Variants in ASH1L observed in about 807,000 individuals in gnomAD.
The protein encoded by ASH1L is ASH1 like histone lysine methyltransferase.
A neutral mutation model predicts 269.0 loss-of-function variants in ASH1L; 23 were observed. The ratio of observed to expected loss-of-function variants is 0.09; its 90% CI spans 0.06 to 0.12. The LOEUF is 0.12. Among genes scored for constraint, ASH1L ranks in the 10% least tolerant of loss-of-function variants. The pLI is 1.00. For missense variants in ASH1L, 2,912 were observed against 3,567.8 expected (o/e 0.82, Z 4.68); for synonymous variants, 1,187 against 1,253.5 (o/e 0.95, Z 1.12).
At chr1:155,443,866 CCA>C (rs1287518374) in intron 4 of ASH1L, among the ~76,000 whole-genome samples, 2 of 151,806 alleles carry the variant, frequency 1.3e-5, no homozygotes, top group East Asian at 3.9e-4. Context: ...TGCGTTGTTT[CCA>C]GTTTTTAGTC....
chr1:155,472,077 G>A (rs139378663), intron 3 of ASH1L, among the ~76,000 whole-genome samples: 48 of 152,176 alleles, frequency 3.2e-4, no homozygotes, highest in African/African-American at 9.9e-4. Context: ...GTTCTCTTGC[G>A]GTCAGGAGTT....
chr1:155,389,051 G>A (rs1657684415), intron 7 of ASH1L, among the ~76,000 whole-genome samples: 1 of 150,304 alleles, frequency 6.7e-6, no homozygotes, highest in Admixed American at 6.7e-5. Context: ...TGTCACGCAG[G>A]CTGGAGTGCA....
intron 5 of ASH1L, among the ~76,000 whole-genome samples, chr1:155,429,156 A>G (rs1382178302): frequency 6.6e-6 from 1 of 152,232 alleles, no homozygotes; most frequent in Non-Finnish European, 1.5e-5. Flanking sequence ...CACACAAACA[A>G]TGAAACAACA....
At position 155,474,063 on chromosome 1, in the gene ASH1L, A is replaced by C. The variant is rs181121109; in HGVS notation, c.4984+3823T>G. Among the ~76,000 whole-genome samples the C allele has an allele frequency of 1.3e-3, 203 of 152,102 alleles. 1 individual carries two copies. Among genetic ancestry groups the C allele is most frequent in the African/African-American group, 4.4e-3 (184 of 41,508 alleles). ...TGGCCAGGCTGGTTTCGAACTCCTG[A>C]CCTCAGGTGATCTGCCTGCCTTGGT... On this transcript the variant is annotated intron_variant, in intron 3 of 27. Transcript: ENST00000392403.
chr1:155,472,715 C>T (rs997279385), intron 3 of ASH1L, among the ~76,000 whole-genome samples: 1 of 152,176 alleles, frequency 6.6e-6, no homozygotes, highest in South Asian at 2.1e-4. Context: ...CTATTATCCA[C>T]GAAATGTGGA....
At chr1:155,519,673 G>A (rs1477586166) in intron 2 of ASH1L, among the ~76,000 whole-genome samples, 1 of 151,954 alleles carries the variant, frequency 6.6e-6, no homozygotes, top group Non-Finnish European at 1.5e-5. Flanking sequence ...TTTTTTGGGG[G>A]GTGAGATGGA....
chr1:155,498,330 A>G (rs774357972), intron 2 of ASH1L, among the ~76,000 whole-genome samples: 10 of 151,926 alleles, frequency 6.6e-5, no homozygotes, highest in Non-Finnish European at 1.3e-4. Flanking sequence ...CTGCAAAACA[A>G]TGTAAATGTA....
chr1:155,534,968 TCA>T (rs976203806), intron 1 of ASH1L, among the ~76,000 whole-genome samples: 13 of 152,110 alleles, frequency 8.5e-5, no homozygotes, highest in African/African-American at 2.7e-4. Flanking sequence ...GGCGGGTGGA[TCA>T]CCTGAGGTCA....
rs192275738 is a variant in ASH1L at position 155,420,032 on chromosome 1, T to A, written c.5829-4109A>T. Among the ~76,000 whole-genome samples, 503 of 152,270 alleles carry A rather than the reference T, an allele frequency of 3.3e-3. 3 individuals are homozygous for A. The highest frequency in any genetic ancestry group is 0.012 in the African/African-American group (486 of 41,546). On this transcript the variant is annotated intron_variant, in intron 5 of 27. Transcript: ENST00000392403. ...AAACAATGCTACTTAAACAGTAGAA[T>A]AGTAGCCAGGCAGGGTGACTCACTC... is the stretch of plus-strand genomic sequence containing the variant.
chr1:155,364,388 G>A lies in ASH1L; in HGVS notation c.6687-3979C>T, dbSNP rs146108641. The stretch of plus-strand genomic sequence containing the variant: ...TGGTTTACCGGTTATGTTTAGCTTT[G>A]GTAGGTTGTGCCATTTTTTGAAAGT... On this transcript the variant is annotated intron_variant, in intron 12 of 27. Coordinates refer to ENST00000392403, the MANE Select transcript of ASH1L (RefSeq NM_018489.3). Among the ~76,000 whole-genome samples the A allele has an allele frequency of 3.3e-3, 502 of 152,236 alleles. 4 individuals are homozygous for A. The highest frequency in any genetic ancestry group is 0.012 in the African/African-American group (485 of 41,546).
chr1:155,445,956 C>G lies in ASH1L; in HGVS notation c.5087-6888G>C, dbSNP rs150595584. On this transcript the variant is annotated intron_variant, in intron 4 of 27. Transcript: ENST00000392403. ...CTGTTACCCACACTGGTCTGAATCT[C>G]CTGGCCCCAAATGATCTTCCTGCCT... Among the ~76,000 whole-genome samples the G allele has an allele frequency of 6.6e-5, 10 of 151,758 alleles. No homozygotes were observed. In the East Asian group the frequency reaches 1.7e-3, roughly 26 times the overall value.
At chr1:155,409,107 C>T (rs1437175537) in intron 6 of ASH1L, among the ~76,000 whole-genome samples, 1 of 152,084 alleles carries the variant, frequency 6.6e-6, no homozygotes, top group African/African-American at 2.4e-5. Flanking sequence ...TCACTACAAC[C>T]TCTGCTTCCT....
rs1662308087 is a variant in ASH1L at position 155,438,782 on chromosome 1, G to A, written c.5373C>T (p.Ser1791=). 6.2e-7 allele frequency: 1 copy of A among 1,614,022 alleles called. No homozygotes were observed. Among genetic ancestry groups the A allele is most frequent in the African/African-American group, 1.3e-5 (1 of 74,902 alleles). Residue 1791 remains serine, a synonymous_variant, in exon 5 of 28, where the codon TCC becomes TCT. Transcript: ENST00000392403. ...CTACACTTCTCTTGATATGATGGGG[G>A]GAACAGCTGCTTGTCAACTTTTCAG... The part of the protein sequence containing the change: ...LLSEKLTSSC[S]PHHIKRSVVE...
intron 6 of ASH1L, among the ~76,000 whole-genome samples, chr1:155,406,746 T>G (rs1251122015): frequency 6.6e-6 from 1 of 152,098 alleles, no homozygotes; most frequent in Non-Finnish European, 1.5e-5. Flanking sequence ...ACACAGTGTT[T>G]GAACAGTAAC....
At chr1:155,366,669 G>T (rs866431133) in intron 12 of ASH1L, among the ~76,000 whole-genome samples, 3 of 152,012 alleles carry the variant, frequency 2.0e-5, no homozygotes, top group Non-Finnish European at 4.4e-5. Context: ...AATTGTATTG[G>T]TTTTTATTTA....
rs1204718205 is a variant in ASH1L at position 155,521,344 on chromosome 1, T to C, written c.176A>G (p.Glu59Gly). 1 of 1,614,200 alleles carries C rather than the reference T, an allele frequency of 6.2e-7. No individual in the cohort carries two copies. Among genetic ancestry groups the C allele is most frequent in the Non-Finnish European group, 8.5e-7 (1 of 1,180,044 alleles). The change falls in exon 2 of 28, where the codon GAA (glutamate) becomes GGA (glycine). Residue 59 changes from glutamate to glycine, a missense_variant. Transcript: ENST00000392403. ...AGTCAAACCATCATCTTTCCCAGCT[T>C]CGATGTTTCTTTCTCGATTCCGTTT... is the stretch of plus-strand genomic sequence containing the variant. ...LRKRNRERNI[E>G]AGKDDGLTDA...
At chr1:155,468,961 C>T (rs1253527468) in intron 3 of ASH1L, among the ~76,000 whole-genome samples, 2 of 151,998 alleles carry the variant, frequency 1.3e-5, no homozygotes, top group Non-Finnish European at 2.9e-5. Flanking sequence ...GTCAGAAGTG[C>T]TACAAAAGAA....
rs1652351127 is a variant in ASH1L at position 155,336,730 on chromosome 1, AAC to A, written c.*928_*929del. On this transcript the variant is annotated 3_prime_UTR_variant, in exon 28 of 28. Coordinates refer to ENST00000392403, the MANE Select transcript of ASH1L (RefSeq NM_018489.3). ...TTTTCAATTGATAATCTATACTCACAACAAATACTCTGATAGGTGAATACTGC... is the reference window on the plus strand; with the variant it reads ...TTTTCAATTGATAATCTATACTCACAAAATACTCTGATAGGTGAATACTGC... The A allele has an allele frequency of 6.6e-6, 1 of 152,396 alleles. No homozygotes were observed. The highest frequency in any genetic ancestry group is 2.4e-5 in the African/African-American group (1 of 41,438). The allele number at this position is 152,396 out of a possible 1,614,324, so 9.4% of individuals were successfully genotyped here. A position where few individuals can be genotyped will look rare whatever the true frequency, so the allele number is the denominator to read the frequency against.
intron 1 of ASH1L, among the ~76,000 whole-genome samples, chr1:155,531,975 A>C (rs932690591): frequency 6.6e-6 from 1 of 152,212 alleles, no homozygotes; most frequent in African/African-American, 2.4e-5. Flanking sequence ...TTTTGGAAAA[A>C]TATCTAAACA....
Sources: gnomAD v4.1 joint callset for allele counts (sites outside exome capture counted in the v4.1 genomes callset) on GRCh38, gnomAD v4.1.1 for gene constraint, MANE v1.5 for transcripts, NCBI Gene and HGNC (gene_info 2026-07-23, HGNC 2026-07-21) for gene names.